SLC39A14: variants seen among roughly 807,000 people sequenced by gnomAD.
SLC39A14 encodes the protein solute carrier family 39 member 14, also known as metal cation symporter ZIP14.
A neutral mutation model predicts 45.5 loss-of-function variants in SLC39A14; 19 were observed. The observed-to-expected ratio is 0.42, with a 90% CI of 0.29 to 0.61. The LOEUF (loss-of-function observed/expected upper bound fraction) is 0.61, where lower values mean the gene tolerates loss of function less well. Among genes scored for constraint, SLC39A14 ranks in the 20% least tolerant of loss-of-function variants. The pLI is 0.22. For synonymous variants in SLC39A14, 264 were observed against 251.3 expected (o/e 1.05, Z -0.48); for missense variants, 447 against 616.5 (o/e 0.73, Z 2.91).
At chr8:22,412,494 A>G (rs1000847797) in intron 4 of SLC39A14, among the ~76,000 whole-genome samples, 2 of 152,110 alleles carry the variant, frequency 1.3e-5, no homozygotes, top group African/African-American at 4.8e-5. Context: ...CGGCCTCAGG[A>G]TGATGTTGTG....
intron 1 of SLC39A14, among the ~76,000 whole-genome samples, chr8:22,392,546 G>A (rs1314991526): frequency 6.6e-6 from 1 of 152,350 alleles, no homozygotes; most frequent in East Asian, 1.9e-4. Context: ...CGGCCTCACG[G>A]TCTGACAAAT....
rs1478354009 is a variant in SLC39A14 at position 22,401,539 on chromosome 8, C to CTTTTT, written c.-15-3154_-15-3153insTTTTT. Among the ~76,000 whole-genome samples the CTTTTT allele has an allele frequency of 6.1e-4, 71 of 115,670 alleles. 1 individual carries two copies. The highest frequency in any genetic ancestry group is 1.6e-3 in the African/African-American group (48 of 29,610). The allele number at this position is 115,670 out of a possible 152,430, so 75.9% of individuals were successfully genotyped here. A position where few individuals can be genotyped will look rare whatever the true frequency, so the allele number is the denominator to read the frequency against. On this transcript the variant is annotated intron_variant, in intron 1 of 8. Transcript: ENST00000381237. ...CTTTCTGTCTTTCTCTTTCTCTTCT[C>CTTTTT]TTTCTTTTTTTTTTTTTTTTTTTTT...
chr8:22,370,251 T>G (rs1459758437), intron 1 of SLC39A14, among the ~76,000 whole-genome samples: 1 of 152,198 alleles, frequency 6.6e-6, no homozygotes, highest in African/African-American at 2.4e-5. Context: ...GCTTACCTTC[T>G]TCCTCCTTCC....
chr8:22,421,421 C>T lies in SLC39A14; in HGVS notation c.*1723C>T, dbSNP rs775291061. 4.9e-5 allele frequency: 48 copies of T among 985,630 alleles called. No individual in the cohort carries two copies. Among genetic ancestry groups the T allele is most frequent in the Non-Finnish European group, 5.4e-5 (45 of 829,870 alleles). The allele number at this position is 985,630 out of a possible 1,614,324, so 61.1% of individuals were successfully genotyped here. Reference sequence around the variant, plus strand: ...TTTATCTTGCCTGTTGGCTTCAATACATTTGAGAATACGCTGAAGAGGGAA... The same window carrying T: ...TTTATCTTGCCTGTTGGCTTCAATATATTTGAGAATACGCTGAAGAGGGAA... On this transcript the variant is annotated 3_prime_UTR_variant, in exon 9 of 9. Coordinates refer to ENST00000381237, the MANE Select transcript of SLC39A14 (RefSeq NM_001128431.4).
chr8:22,426,271 C>T (rs1318898605), downstream of SLC39A14, among the ~76,000 whole-genome samples: 5 of 152,134 alleles, frequency 3.3e-5, no homozygotes, highest in East Asian at 7.7e-4. Context: ...TCATGGCTCG[C>T]TGCAGCCTCA....
chr8:22,413,716 T>A (rs747931031), intron 4 of SLC39A14, among the ~76,000 whole-genome samples: 1 of 152,138 alleles, frequency 6.6e-6, no homozygotes, highest in Non-Finnish European at 1.5e-5. Context: ...GGTAAATATA[T>A]ATACTTCCTA....
chr8:22,370,302 A>G (rs112875809), intron 1 of SLC39A14, among the ~76,000 whole-genome samples: 2,152 of 152,294 alleles, frequency 0.014, 45 homozygotes, highest in African/African-American at 0.048. Context: ...AGGAAACTCA[A>G]TCCCTGTCCA....
Position 22,404,784 on chromosome 8 carries a change from C to T in SLC39A14, c.74C>T (p.Thr25Ile). The T allele has an allele frequency of 6.2e-7, 1 of 1,613,444 alleles. No homozygotes were observed. Among genetic ancestry groups the T allele is most frequent in the Non-Finnish European group, 8.5e-7 (1 of 1,179,468 alleles). The change falls in exon 2 of 9, where the codon ACC becomes ATC. Residue 25 changes from threonine (T) to isoleucine (I), a missense_variant. Physicochemically the swap from Thr to Ile is moderately conservative, Grantham distance 89 (BLOSUM62 -1). Coordinates refer to ENST00000381237, the MANE Select transcript of SLC39A14 (RefSeq NM_001128431.4). ...ACCCTGCTTGGCTTATGGAGAACCA[C>T]CCCTGAGGCTCACGCTTCATCCCTG... ...LLTLLGLWRT[T>I]PEAHASSLGA...
intron 2 of SLC39A14, among the ~76,000 whole-genome samples, chr8:22,406,876 G>T (rs1483646967): frequency 1.3e-5 from 2 of 152,172 alleles, no homozygotes; most frequent in African/African-American, 2.4e-5. Flanking sequence ...CCAGCCCCCA[G>T]CCTTAGAAGC....
intron 1 of SLC39A14, among the ~76,000 whole-genome samples, chr8:22,381,545 C>T (rs1001477806): frequency 4.6e-5 from 7 of 152,256 alleles, no homozygotes; most frequent in Non-Finnish European, 7.3e-5. Flanking sequence ...TCTGGGATTA[C>T]AGGCGTGAGC....
intron 3 of SLC39A14, 158 bp from the exon 4 acceptor site, chr8:22,411,878 CT>C (rs1360133859): frequency 2.3e-5 from 14 of 614,298 alleles, no homozygotes; most frequent in Middle Eastern, 4.4e-4. Flanking sequence ...TTGTCTCTCT[CT>C]GATTTTTCTT....
intron 1 of SLC39A14, among the ~76,000 whole-genome samples, chr8:22,368,685 T>C (rs910918921): frequency 2.0e-5 from 3 of 151,926 alleles, no homozygotes; most frequent in Admixed American, 6.6e-5. Flanking sequence ...TACAGGCGCG[T>C]GCCACCATGC....
At position 22,367,854 on chromosome 8, in the gene SLC39A14, G is replaced by T. The variant is rs1832721179; in HGVS notation, c.-16+446G>T. The T allele has an allele frequency of 6.5e-6, 1 of 153,282 alleles. No individual in the cohort carries two copies. Among genetic ancestry groups the T allele is most frequent in the South Asian group, 2.1e-4 (1 of 4,860 alleles). 9.5% of individuals were successfully genotyped at this position (153,282 alleles called of 1,614,324 possible). A position where few individuals can be genotyped will look rare whatever the true frequency, so the allele number is the denominator to read the frequency against. On this transcript the variant is annotated intron_variant, in intron 1 of 8. Transcript: ENST00000381237. The surrounding 1 kb of genome is among the most constrained non-coding windows in gnomAD (Gnocchi z 4.2). ...CCCGCCGGTCCATCTCCCCTCTGAA[G>T]GTACATGTACCCAATCTTCCGGCTG... is the stretch of plus-strand genomic sequence containing the variant.
At chr8:22,387,646 G>A (rs147113095) in intron 1 of SLC39A14, among the ~76,000 whole-genome samples, 1 of 152,180 alleles carries the variant, frequency 6.6e-6, no homozygotes, top group African/African-American at 2.4e-5. Context: ...TGTGTGAGCG[G>A]GTGTTGGATC....
chr8:22,407,506 G>A (rs994581416), intron 2 of SLC39A14, among the ~76,000 whole-genome samples: 2 of 151,318 alleles, frequency 1.3e-5, no homozygotes, highest in Non-Finnish European at 2.9e-5. Context: ...GATTACAGGC[G>A]TGAGCTACCA....
At chr8:22,416,418 A>T in intron 7 of SLC39A14, 138 bp downstream of exon 7, 1 of 716,528 alleles carries the variant, frequency 1.4e-6, no homozygotes, top group South Asian at 1.8e-5. Flanking sequence ...CTAAAGCTTC[A>T]TGGACCCTAA....
At chr8:22,398,707 G>T (rs1834662861) in intron 1 of SLC39A14, 1 of 985,460 alleles carries the variant, frequency 1.0e-6, no homozygotes, top group Non-Finnish European at 1.2e-6. Flanking sequence ...TTAGAAAAAA[G>T]TGCAGCATGC....
In SLC39A14 at chr8:22,420,134, C is replaced by T. The variant is rs551245753; in HGVS notation, c.*436C>T. 40 of 986,786 alleles carry T rather than the reference C, an allele frequency of 4.1e-5. No homozygotes were observed. In the East Asian group the frequency reaches 4.0e-3, roughly 98 times the overall value. The allele number at this position is 986,786 out of a possible 1,614,324, so 61.1% of individuals were successfully genotyped here. On this transcript the variant is annotated 3_prime_UTR_variant, in exon 9 of 9. Transcript: ENST00000381237. ...TGTGGGGCCCATGACTCTAGCTGGG[C>T]ACCTTGGACCTCCAGCTGGCCAATA...
At position 22,417,906 on chromosome 8, in the gene SLC39A14, T is replaced by C. The variant is rs11997061; in HGVS notation, c.1332+71T>C. The C allele has an allele frequency of 0.034, 45,403 of 1,343,138 alleles. 8,375 individuals carry two copies. In the African/African-American group the frequency reaches 0.48, roughly 14 times the overall value. 83.2% of individuals were successfully genotyped at this position (1,343,138 alleles called of 1,614,324 possible). A position where few individuals can be genotyped will look rare whatever the true frequency, so the allele number is the denominator to read the frequency against. ...GGATGTTAGGTAGGTAGTTTTTTTT[T>C]ATTTTTATTTTTTTGAGATGGAGTC... On this transcript the variant is annotated intron_variant, in intron 8 of 8. Transcript: ENST00000381237.
Sources: gnomAD v4.1 joint callset for allele counts (sites outside exome capture counted in the v4.1 genomes callset) on GRCh38, gnomAD v4.1.1 for gene constraint, Gnocchi (gnomAD v3.1) non-coding constraint, MANE v1.5 for transcripts, NCBI Gene and HGNC (gene_info 2026-07-23, HGNC 2026-07-21) for gene names.